AKAP8: variants seen among roughly 807,000 people sequenced by gnomAD.
AKAP8 encodes A-kinase anchoring protein 8, also known as A-kinase anchor protein 8.
Under a neutral mutation model 67.5 loss-of-function variants are expected in AKAP8, and 24 were observed. That is an observed-to-expected ratio of 0.36 (90% CI 0.26 to 0.50). The LOEUF (loss-of-function observed/expected upper bound fraction) is 0.50, where lower values mean the gene tolerates loss of function less well. AKAP8 is among the 20% of genes least tolerant of loss of function. AKAP8 has a pLI of 0.97. For missense variants in AKAP8, 971 were observed against 955.9 expected, an observed-to-expected ratio of 1.02 and a Z score of -0.21; for synonymous variants, 400 against 371.1, an observed-to-expected ratio of 1.08 and a Z score of -0.90.
At chr19:15,379,639 G>A (rs1417984292) in intron 1 of AKAP8, 74 bp downstream of exon 1, 7 of 1,524,678 alleles carry the variant, frequency 4.6e-6, no homozygotes, top group African/African-American at 2.9e-5. Flanking sequence ...CCGGCCGGCG[G>A]CAGTCTGCGC....
chr19:15,373,682 A>T, intron 4 of AKAP8, 104 bp downstream of exon 4: 6 of 1,360,462 alleles, frequency 4.4e-6, no homozygotes, highest in Non-Finnish European at 5.9e-6. Context: ...CACACCCAAG[A>T]GGGAGGCGGG....
At chr19:15,377,611 G>A (rs1285889297) in intron 1 of AKAP8, among the ~76,000 whole-genome samples, 1 of 152,170 alleles carries the variant, frequency 6.6e-6, no homozygotes, top group African/African-American at 2.4e-5. Flanking sequence ...TGGGACTACA[G>A]GCGCCTGCCA....
chr19:15,363,178 G>T (rs1259981203), intron 9 of AKAP8, among the ~76,000 whole-genome samples: 3 of 151,098 alleles, frequency 2.0e-5, no homozygotes, highest in Non-Finnish European at 4.4e-5. Flanking sequence ...CCCCGTCTGG[G>T]AAGTGAGGAG....
chr19:15,356,641 T>C (rs1199231154), intron 13 of AKAP8, among the ~76,000 whole-genome samples: 1 of 152,040 alleles, frequency 6.6e-6, no homozygotes, highest in Non-Finnish European at 1.5e-5. Flanking sequence ...CTCCTAAGTA[T>C]ATGATAGAAA....
rs1967186333 is a variant in AKAP8 at position 15,372,971 on chromosome 19, G to A, written c.741C>T (p.Leu247=). The A allele has an allele frequency of 1.3e-6, 2 of 1,560,996 alleles. No homozygotes were observed. Among genetic ancestry groups the A allele is most frequent in the Non-Finnish European group, 1.7e-6 (2 of 1,153,570 alleles). The part of the protein sequence containing the change: ...GPSPSRPPPS[L]FSQSMAPDYG... The stretch of plus-strand genomic sequence containing the variant: ...AGTCGGGAGCCATGGACTGGGAGAA[G>A]AGGGACGGAGGTGGCCGGCTGGGGG... The change falls in exon 5 of 14, where the codon CTC becomes CTT. Residue 247 remains leucine (L), a synonymous_variant. Transcript: ENST00000269701.
chr19:15,359,712 ATAAAAT>A (rs1401000207), intron 12 of AKAP8, among the ~76,000 whole-genome samples: 2 of 152,140 alleles, frequency 1.3e-5, no homozygotes, highest in African/African-American at 2.4e-5. Context: ...GTCTCAAAAA[ATAAAAT>A]TAAAAACAAA....
intron 2 of AKAP8, among the ~76,000 whole-genome samples, chr19:15,375,723 A>T (rs749047854): frequency 4.1e-5 from 6 of 147,146 alleles, no homozygotes; most frequent in Non-Finnish European, 7.4e-5. Context: ...TGCAAGCTCC[A>T]CCTCCTGGGT....
At chr19:15,376,935 G>C (rs772492366) in intron 2 of AKAP8, 41 bp downstream of exon 2, 2 of 1,599,648 alleles carry the variant, frequency 1.3e-6, no homozygotes, top group Non-Finnish European at 1.7e-6. Flanking sequence ...CCTTGAGTTA[G>C]GGGAAGCCCA....
chr19:15,368,179 G>T, intron 9 of AKAP8, 56 bp downstream of exon 9: 3 of 1,599,882 alleles, frequency 1.9e-6, no homozygotes, highest in Non-Finnish European at 1.7e-6. Flanking sequence ...GAGCTCGGCA[G>T]CGCCTCCACC....
chr19:15,377,120 G>T, intron 1 of AKAP8, 106 bp from the exon 2 acceptor site: 1 of 1,310,606 alleles, frequency 7.6e-7, no homozygotes, highest in Non-Finnish European at 1.1e-6. Context: ...GCCAGCCTTA[G>T]AAGAAGGAAG....
chr19:15,379,555 A>C, intron 1 of AKAP8, 158 bp downstream of exon 1: 1 of 749,962 alleles, frequency 1.3e-6, no homozygotes, highest in Non-Finnish European at 2.0e-6. Context: ...GCCAAAGCCC[A>C]ATGAGCGGCG....
In AKAP8 at chr19:15,354,824, G is replaced by A; in HGVS notation, c.*91C>T. 4.2e-6 allele frequency: 6 copies of A among 1,439,450 alleles called. No individual in the cohort carries two copies. The highest frequency in any genetic ancestry group is 5.7e-6 in the Non-Finnish European group (6 of 1,055,756). The allele number at this position is 1,439,450 out of a possible 1,614,324, so 89.2% of individuals were successfully genotyped here. A position where few individuals can be genotyped will look rare whatever the true frequency, so the allele number is the denominator to read the frequency against. On this transcript the variant is annotated 3_prime_UTR_variant, in exon 14 of 14. Coordinates refer to ENST00000269701, the MANE Select transcript of AKAP8 (RefSeq NM_005858.4). The stretch of plus-strand genomic sequence containing the variant: ...AAAATTAGATTACAGCATATTCTGG[G>A]AGCACACGCCCTTGTACTGCTTACA...
intron 1 of AKAP8, among the ~76,000 whole-genome samples, chr19:15,377,407 T>A (rs1420279728): frequency 6.6e-6 from 1 of 152,222 alleles, no homozygotes; most frequent in Non-Finnish European, 1.5e-5. Context: ...AAGTACTTCG[T>A]AACTGAAAAC....
At chr19:15,370,217 G>C in intron 7 of AKAP8, 38 bp from the exon 8 acceptor site, 1 of 1,613,148 alleles carries the variant, frequency 6.2e-7, no homozygotes, top group East Asian at 2.2e-5. Flanking sequence ...CAGTGAGCTG[G>C]TGTGTCCAGA....
At chr19:15,364,380 T>A (rs1354893455) in intron 9 of AKAP8, among the ~76,000 whole-genome samples, 3 of 152,134 alleles carry the variant, frequency 2.0e-5, no homozygotes, top group African/African-American at 7.2e-5. Flanking sequence ...AGACGGAGTC[T>A]CCCTCTGTTG....
Position 15,372,934 on chromosome 19 carries a change from C to A in AKAP8, c.778G>T (p.Gly260Cys). The change falls in exon 5 of 14, where the codon GGC becomes TGC. Residue 260 changes from glycine (G) to cysteine (C), a missense_variant. Gly to Cys is a radical substitution (Grantham distance 159, BLOSUM62 -3). Transcript: ENST00000269701. ...TCATAGCCGCCCGCCCCCTGCATGC[C>A]CATCACGCCGTAGTCGGGAGCCATG... The part of the protein sequence containing the change: ...QSMAPDYGVM[G>C]MQGAGGYDST... 1 of 1,532,238 alleles carries A rather than the reference C, an allele frequency of 6.5e-7. No homozygotes were observed. The highest frequency in any genetic ancestry group is 8.8e-7 in the Non-Finnish European group (1 of 1,141,146). 94.9% of individuals were successfully genotyped at this position (1,532,238 alleles called of 1,614,324 possible).
At chr19:15,363,120 G>A (rs993638896) in intron 9 of AKAP8, among the ~76,000 whole-genome samples, 1 of 150,330 alleles carries the variant, frequency 6.7e-6, no homozygotes, top group African/African-American at 2.5e-5. Context: ...CCCTCCGCCC[G>A]GCAGCCGCCC....
At chr19:15,360,822 C>T in intron 12 of AKAP8, 26 bp downstream of exon 12, 2 of 1,606,664 alleles carry the variant, frequency 1.2e-6, no homozygotes, top group Non-Finnish European at 8.5e-7. Context: ...ATGAGCACCC[C>T]AGGCAGTGTG....
chr19:15,359,132 T>A (rs1966922508), intron 12 of AKAP8, 70 bp from the exon 13 acceptor site: 12 of 1,405,196 alleles, frequency 8.5e-6, no homozygotes, highest in Non-Finnish European at 1.2e-5. Context: ...CCAGCCAGGC[T>A]CTGCCGAGTC....
Sources: gnomAD v4.1 joint callset for allele counts (sites outside exome capture counted in the v4.1 genomes callset) on GRCh38, gnomAD v4.1.1 for gene constraint, MANE v1.5 for transcripts, NCBI Gene and HGNC (gene_info 2026-07-23, HGNC 2026-07-21) for gene names.